TRABD2A: variants seen among roughly 807,000 people sequenced by gnomAD.
TRABD2A encodes TraB domain containing 2A, also known as metalloprotease TIKI1.
In TRABD2A, 43 loss-of-function variants were observed where a neutral mutation model predicts 45.6. The ratio of observed to expected loss-of-function variants is 0.94; its 90% CI spans 0.74 to 1.22. The LOEUF is 1.22. Ranked by LOEUF, TRABD2A falls within the 50% of genes most tolerant of loss-of-function variation. TRABD2A has a pLI of 0.00. For missense variants in TRABD2A, 642 were observed against 652.4 expected (o/e 0.98, Z 0.17); for synonymous variants, 269 against 265.0 (o/e 1.02, Z -0.15).
At chr2:84,829,698 C>T (rs1380381277) in intron 5 of TRABD2A, among the ~76,000 whole-genome samples, 1 of 151,320 alleles carries the variant, frequency 6.6e-6, no homozygotes, top group Non-Finnish European at 1.5e-5. Context: ...ACACAACACA[C>T]ACACCAAACA....
At chr2:84,846,076 C>G (rs554857586) in intron 2 of TRABD2A, among the ~76,000 whole-genome samples, 1 of 152,246 alleles carries the variant, frequency 6.6e-6, no homozygotes, top group African/African-American at 2.4e-5. Flanking sequence ...ATCCCAGGGT[C>G]ATTGCTTTCT....
At chr2:84,856,166 C>T (rs1459869203) in intron 2 of TRABD2A, among the ~76,000 whole-genome samples, 1 of 152,022 alleles carries the variant, frequency 6.6e-6, no homozygotes, top group African/African-American at 2.4e-5. Context: ...GAAGGGTCTC[C>T]CTTGCCCTCA....
chr2:84,847,232 T>C (rs1456990664), intron 2 of TRABD2A, among the ~76,000 whole-genome samples: 2 of 152,210 alleles, frequency 1.3e-5, no homozygotes, highest in African/African-American at 4.8e-5. Context: ...GGCCCAGATA[T>C]AGCATCCTCA....
intron 2 of TRABD2A, among the ~76,000 whole-genome samples, chr2:84,850,210 C>T (rs1207969206): frequency 6.6e-6 from 1 of 152,018 alleles, no homozygotes. Context: ...GCACAATCCC[C>T]TGGGAAAAAA....
chr2:84,862,789 T>C (rs540076350), intron 2 of TRABD2A, among the ~76,000 whole-genome samples: 1 of 152,040 alleles, frequency 6.6e-6, no homozygotes, highest in Admixed American at 6.5e-5. Flanking sequence ...GAAAGACAGC[T>C]CAAGTCCTGA....
At chr2:84,874,680 T>A (rs1455288796) in intron 1 of TRABD2A, 2 of 169,664 alleles carry the variant, frequency 1.2e-5, no homozygotes, top group Non-Finnish European at 2.5e-5. Context: ...AGTCAATGCC[T>A]CATCTGTGCT....
intron 2 of TRABD2A, among the ~76,000 whole-genome samples, chr2:84,851,487 C>T (rs998126292): frequency 1.3e-5 from 2 of 152,238 alleles, no homozygotes; most frequent in South Asian, 2.1e-4. Flanking sequence ...CCCATAGCAT[C>T]CCAACCATCC....
intron 2 of TRABD2A, among the ~76,000 whole-genome samples, chr2:84,850,231 G>C (rs1249291581): frequency 6.6e-6 from 1 of 152,150 alleles, no homozygotes; most frequent in Non-Finnish European, 1.5e-5. Flanking sequence ...AGGACAAAAG[G>C]AAGTGTGGTG....
intron 4 of TRABD2A, chr2:84,836,828 C>A (rs1681528702): frequency 6.6e-6 from 1 of 151,896 alleles, no homozygotes; most frequent in African/African-American, 2.4e-5. Flanking sequence ...ACTGTTCAGC[C>A]CCCGTAGTGA....
intron 2 of TRABD2A, among the ~76,000 whole-genome samples, chr2:84,857,938 C>T (rs35929054): frequency 0.04 from 6,151 of 152,308 alleles, 174 homozygotes; most frequent in Non-Finnish European, 0.061. Flanking sequence ...TGCAATGGCA[C>T]AATCATAGCT....
intron 4 of TRABD2A, chr2:84,833,685 GCA>G (rs1219792029): frequency 6.6e-6 from 1 of 151,912 alleles, no homozygotes; most frequent in Admixed American, 6.5e-5. Flanking sequence ...CCTTCAGAAG[GCA>G]CAGAGAGAAA....
At chr2:84,831,204 AT>A (rs1320828740) in intron 5 of TRABD2A, among the ~76,000 whole-genome samples, 1 of 151,104 alleles carries the variant, frequency 6.6e-6, no homozygotes, top group African/African-American at 2.4e-5. Flanking sequence ...GAAAAAAAAA[AT>A]GCCATGTGCC....
chr2:84,879,178 A>C (rs1173919030), intron 1 of TRABD2A, among the ~76,000 whole-genome samples: 1 of 144,888 alleles, frequency 6.9e-6, no homozygotes, highest in Non-Finnish European at 1.5e-5. Context: ...TGAGGTTTTC[A>C]ATACTTTTTT....
intron 5 of TRABD2A, among the ~76,000 whole-genome samples, chr2:84,827,526 C>T (rs1681185214): frequency 6.6e-6 from 1 of 152,158 alleles, no homozygotes; most frequent in Non-Finnish European, 1.5e-5. Context: ...CTGTATAAAC[C>T]CTAGCAGGGC....
intron 2 of TRABD2A, among the ~76,000 whole-genome samples, chr2:84,854,902 A>G (rs1682223786): frequency 6.6e-6 from 1 of 152,138 alleles, no homozygotes; most frequent in African/African-American, 2.4e-5. Context: ...CCATCCTTGG[A>G]TTACAGACCT....
intron 2 of TRABD2A, among the ~76,000 whole-genome samples, chr2:84,851,790 A>G (rs1415751903): frequency 1.3e-5 from 2 of 152,270 alleles, no homozygotes; most frequent in African/African-American, 2.4e-5. Flanking sequence ...GGGAACTGTA[A>G]TGGTGCTCTG....
intron 2 of TRABD2A, among the ~76,000 whole-genome samples, chr2:84,865,805 G>A (rs1295476532): frequency 6.6e-6 from 1 of 152,218 alleles, no homozygotes. Flanking sequence ...GATTTAGCAA[G>A]ACCATTTCTC....
At chr2:84,854,844 C>G (rs181178218) in intron 2 of TRABD2A, among the ~76,000 whole-genome samples, 11 of 152,300 alleles carry the variant, frequency 7.2e-5, no homozygotes, top group Non-Finnish European at 1.0e-4. Flanking sequence ...CCTTGCCCCC[C>G]CAGAGATCAT....
At chr2:84,834,699 TGTA>T (rs1307582859) in intron 4 of TRABD2A, 1 of 152,192 alleles carries the variant, frequency 6.6e-6, no homozygotes, top group African/African-American at 2.4e-5. Context: ...AGTTCATCCA[TGTA>T]GTACCATATA....
Sources: allele counts gnomAD v4.1 joint callset (sites outside exome capture counted in the v4.1 genomes callset), GRCh38; gene constraint gnomAD v4.1.1; transcripts MANE v1.5; gene names NCBI Gene and HGNC (gene_info 2026-07-23, HGNC 2026-07-21).